Variants in CSMD3 observed in about 807,000 individuals in gnomAD.
The protein encoded by CSMD3 is CUB and sushi domain-containing protein 3.
CSMD3 carries 177 observed loss-of-function variants against 435.2 expected under a neutral mutation model. The observed-to-expected ratio is 0.41, with a 90% CI of 0.36 to 0.46. The LOEUF (loss-of-function observed/expected upper bound fraction) is 0.46, where lower values mean the gene tolerates loss of function less well. Ranked by LOEUF, CSMD3 falls within the 20% of genes least tolerant of loss-of-function variation. CSMD3 has a pLI of 0.34. For missense variants in CSMD3, 4,265 were observed against 4,504.6 expected (o/e 0.95, Z 1.52); for synonymous variants, 1,656 against 1,520.5 (o/e 1.09, Z -2.07).
In CSMD3 at chr8:112,291,582, A is replaced by G. The variant is rs1819767972; in HGVS notation, c.8902T>C (p.Phe2968Leu). 5.6e-6 allele frequency: 9 copies of G among 1,611,894 alleles called. No individual in the cohort carries two copies. Among genetic ancestry groups the G allele is most frequent in the Non-Finnish European group, 7.6e-6 (9 of 1,178,364 alleles). The change falls in exon 56 of 71, where the codon TTT (phenylalanine) becomes CTT (leucine). Residue 2968 changes from phenylalanine to leucine, a missense_variant. Physicochemically the swap from Phe to Leu is conservative, Grantham distance 22. This residue lies in a region of CSMD3 where 3,255 missense variants were observed against 3,380.2 expected (regional missense o/e 0.96). Coordinates refer to ENST00000297405, the MANE Select transcript of CSMD3 (RefSeq NM_198123.2). ...ATCAAAACTGAAGATCCAAATAAAAAATATCCAGGATTGCAGTCATAGAAT... is the reference window on the plus strand; with the variant it reads ...ATCAAAACTGAAGATCCAAATAAAAGATATCCAGGATTGCAGTCATAGAAT... ...VVFYDCNPGY[F>L]LFGSSVLICQ...
intron 13 of CSMD3, among the ~76,000 whole-genome samples, chr8:112,775,233 T>C (rs1166037303): frequency 6.6e-6 from 1 of 151,802 alleles, no homozygotes; most frequent in Non-Finnish European, 1.5e-5. Flanking sequence ...TCTATTATTA[T>C]GTTAATGGGT....
chr8:112,324,951 A>T (rs1823353961), intron 45 of CSMD3, among the ~76,000 whole-genome samples: 1 of 152,110 alleles, frequency 6.6e-6, no homozygotes, highest in Non-Finnish European at 1.5e-5. Flanking sequence ...CAAATGACTT[A>T]CGCATTAAAT....
At chr8:112,714,754 C>G (rs1411761737) in intron 13 of CSMD3, among the ~76,000 whole-genome samples, 1 of 152,136 alleles carries the variant, frequency 6.6e-6, no homozygotes, top group Non-Finnish European at 1.5e-5. Flanking sequence ...CAAATTAGAA[C>G]TCAGGATTAT....
intron 22 of CSMD3, among the ~76,000 whole-genome samples, chr8:112,627,664 C>A (rs1834596944): frequency 6.6e-6 from 1 of 152,038 alleles, no homozygotes; most frequent in Admixed American, 6.6e-5. Flanking sequence ...ATTTTAAGTC[C>A]TCATAAAACT....
chr8:113,317,102 TA>T (rs879916007), intron 1 of CSMD3, among the ~76,000 whole-genome samples: 6 of 152,126 alleles, frequency 3.9e-5, no homozygotes, highest in African/African-American at 1.2e-4. Context: ...AGAAGAGGTT[TA>T]AAAAAAATCA....
At chr8:112,809,258 TGA>T (rs1361949519) in intron 12 of CSMD3, among the ~76,000 whole-genome samples, 1 of 152,152 alleles carries the variant, frequency 6.6e-6, no homozygotes, top group African/African-American at 2.4e-5. Context: ...GCCACCCTAT[TGA>T]CCAGGAGATT....
chr8:113,030,537 T>C (rs993419305), intron 5 of CSMD3, among the ~76,000 whole-genome samples: 3 of 149,678 alleles, frequency 2.0e-5, no homozygotes, highest in Non-Finnish European at 1.5e-5. Context: ...TCAAAATTGA[T>C]CATGGACTTA....
chr8:112,848,300 AT>A (rs1396484423), intron 11 of CSMD3, among the ~76,000 whole-genome samples: 6 of 152,178 alleles, frequency 3.9e-5, no homozygotes, highest in Non-Finnish European at 7.4e-5. Context: ...GCATTTATTT[AT>A]AAAGCAGTAC....
At chr8:112,975,234 G>T (rs1026482698) in intron 7 of CSMD3, among the ~76,000 whole-genome samples, 1 of 151,908 alleles carries the variant, frequency 6.6e-6, no homozygotes, top group Non-Finnish European at 1.5e-5. Flanking sequence ...AAATTTTGGA[G>T]GCATACTATC....
intron 22 of CSMD3, among the ~76,000 whole-genome samples, chr8:112,589,759 A>T (rs931591087): frequency 2.0e-5 from 3 of 152,176 alleles, no homozygotes; most frequent in African/African-American, 7.2e-5. Context: ...AAGGAAGACA[A>T]GGGCATATAT....
At chr8:113,370,311 T>G (rs942268219) in intron 1 of CSMD3, among the ~76,000 whole-genome samples, 14 of 151,036 alleles carry the variant, frequency 9.3e-5, no homozygotes, top group African/African-American at 2.7e-4. Flanking sequence ...CAAACTAGAG[T>G]GGCAAGTTGT....
intron 5 of CSMD3, among the ~76,000 whole-genome samples, chr8:113,076,853 A>C (rs2089359797): frequency 6.6e-6 from 1 of 152,182 alleles, no homozygotes; most frequent in Non-Finnish European, 1.5e-5. Context: ...GCACAAAGAT[A>C]CTAAACTTTT....
intron 4 of CSMD3, among the ~76,000 whole-genome samples, chr8:113,106,973 G>T (rs2090497319): frequency 6.6e-6 from 1 of 151,940 alleles, no homozygotes; most frequent in African/African-American, 2.4e-5. Flanking sequence ...ATGAATTTTA[G>T]AACATTTTCA....
At chr8:113,136,892 A>G (rs1289344616) in intron 4 of CSMD3, among the ~76,000 whole-genome samples, 1 of 151,662 alleles carries the variant, frequency 6.6e-6, no homozygotes, top group Non-Finnish European at 1.5e-5. Context: ...AAAAAACAAC[A>G]CCCATAAGTC....
chr8:112,488,497 TTTGC>T (rs1274229455), intron 31 of CSMD3, among the ~76,000 whole-genome samples: 1 of 152,146 alleles, frequency 6.6e-6, no homozygotes, highest in Non-Finnish European at 1.5e-5. Flanking sequence ...AAGAAAAAGT[TTTGC>T]TTATTTTCAC....
intron 4 of CSMD3, among the ~76,000 whole-genome samples, chr8:113,129,950 T>C (rs952093839): frequency 6.6e-6 from 1 of 151,894 alleles, no homozygotes; most frequent in Non-Finnish European, 1.5e-5. Flanking sequence ...AATTTTATGA[T>C]ACTCTGAAAA....
Position 113,312,258 on chromosome 8 carries a change from G to T in CSMD3, c.401+2313C>A, listed in dbSNP as rs1451675139. ...CTCATTTTATCAGTTGTAAAATGAT[G>T]ATGATAATAGTAATTATTTTACATT... is the stretch of plus-strand genomic sequence containing the variant. On this transcript the variant is annotated intron_variant, in intron 2 of 70. Transcript: ENST00000297405. 7 of 152,146 alleles carry T rather than the reference G, an allele frequency of 4.6e-5. No homozygotes were observed. The South Asian group carries it at 1.0e-3, about 23-fold the overall frequency. 9.4% of individuals were successfully genotyped at this position (152,146 alleles called of 1,614,324 possible). A position where few individuals can be genotyped will look rare whatever the true frequency, so the allele number is the denominator to read the frequency against.
intron 13 of CSMD3, among the ~76,000 whole-genome samples, chr8:112,701,375 A>G (rs183241953): frequency 1.3e-4 from 20 of 152,268 alleles, no homozygotes; most frequent in Admixed American, 8.5e-4. Context: ...ATTATTTCCC[A>G]TTAAAGGATG....
intron 10 of CSMD3, among the ~76,000 whole-genome samples, chr8:112,875,625 T>C (rs1303334863): frequency 6.6e-6 from 1 of 152,146 alleles, no homozygotes; most frequent in African/African-American, 2.4e-5. Flanking sequence ...TCCTTTTCAT[T>C]CTTTTTTTCT....
Sources: gnomAD v4.1 joint callset for allele counts (sites outside exome capture counted in the v4.1 genomes callset) on GRCh38, gnomAD v4.1.1 for gene constraint, gnomAD v4.1.1 regional missense constraint, MANE v1.5 for transcripts, NCBI Gene and HGNC (gene_info 2026-07-23, HGNC 2026-07-21) for gene names.